Variants in MYH14 observed in about 807,000 individuals in gnomAD.
MYH14 encodes the protein myosin-14.
Under a neutral mutation model 255.5 loss-of-function variants are expected in MYH14, and 123 were observed. That is an observed-to-expected ratio of 0.48 (90% confidence interval 0.42 to 0.56). The LOEUF (loss-of-function observed/expected upper bound fraction) is 0.56. Ranked by LOEUF, MYH14 falls within the 20% of genes least tolerant of loss-of-function variation. The pLI is 0.00. For missense variants in MYH14, 2,423 were observed against 2,802.3 expected, an observed-to-expected ratio of 0.86 and a Z score of 3.06; for synonymous variants, 1,095 against 1,161.2, an observed-to-expected ratio of 0.94 and a Z score of 1.16.
chr19:50,210,725 G>A lies in MYH14; in HGVS notation c.360G>A (p.Ser120=), dbSNP rs2032146086. 6.3e-7 allele frequency: 1 copy of A among 1,579,900 alleles called. No homozygotes were observed. The highest frequency in any genetic ancestry group is 8.6e-7 in the Non-Finnish European group (1 of 1,163,714). Reference sequence around the variant, plus strand: ...AGCTGACCTGCCTCAACGAGGCCTCGGTCCTGCACAACCTCCGGGAGCGGT... The same window carrying A: ...AGCTGACCTGCCTCAACGAGGCCTCAGTCCTGCACAACCTCCGGGAGCGGT... The part of the protein sequence containing the change: ...MAELTCLNEA[S]VLHNLRERYY... The change falls in exon 2 of 43, where the codon TCG becomes TCA. Residue 120 remains serine, a synonymous_variant. Transcript: ENST00000642316.
chr19:50,280,001 C>A lies in MYH14; in HGVS notation c.4033-36C>A. 1 of 1,500,556 alleles carries A rather than the reference C, an allele frequency of 6.7e-7. No individual in the cohort carries two copies. The highest frequency in any genetic ancestry group is 9.2e-7 in the Non-Finnish European group (1 of 1,091,874). The allele number at this position is 1,500,556 out of a possible 1,614,324, so 93.0% of individuals were successfully genotyped here. On this transcript the variant is annotated intron_variant, in intron 30 of 42. Transcript: ENST00000642316. This position sits in a 1 kb window ranked among gnomAD's most constrained non-coding sequence, Gnocchi z 4.8. ...AGATGGGGTCACTGGGTGGAAGCCA[C>A]GATTGGAGGGCTTCATTCCCGTCCC...
At position 50,252,309 on chromosome 19, in the gene MYH14, G is replaced by A. The variant is rs751044364; in HGVS notation, c.1831-330G>A. On this transcript the variant is annotated intron_variant, in intron 15 of 42. Coordinates refer to ENST00000642316, the MANE Select transcript of MYH14 (RefSeq NM_001145809.2). This position sits in a 1 kb window ranked among gnomAD's most constrained non-coding sequence, Gnocchi z 4.2. ...CACAGAGACAGAACCCCAGGTGGCA[G>A]GAACCGCAGGGGTAAAACCCCGAGG... Among the ~76,000 whole-genome samples the A allele has an allele frequency of 6.6e-5, 10 of 152,220 alleles. No individual in the cohort carries two copies. Among genetic ancestry groups the A allele is most frequent in the Non-Finnish European group, 1.2e-4 (8 of 68,038 alleles).
chr19:50,205,141 G>A (rs895984954), intron 1 of MYH14, among the ~76,000 whole-genome samples: 7 of 152,146 alleles, frequency 4.6e-5, no homozygotes, highest in Non-Finnish European at 1.0e-4. Flanking sequence ...ACTGGGCTGG[G>A]GAACTTTCTG....
intron 2 of MYH14, among the ~76,000 whole-genome samples, chr19:50,211,752 T>A (rs1600857782): frequency 6.6e-6 from 1 of 150,606 alleles, no homozygotes; most frequent in African/African-American, 2.4e-5. Flanking sequence ...GAGGCTGAGG[T>A]GGGTGGATTG....
chr19:50,210,297 G>C, intron 1 of MYH14, 66 bp from the exon 2 acceptor site: 1 of 1,419,542 alleles, frequency 7.0e-7, no homozygotes, highest in Non-Finnish European at 9.4e-7. Context: ...GGAATTTGGG[G>C]TAGGGAAGGG....
chr19:50,258,093 A>C (rs2034659000), intron 18 of MYH14, among the ~76,000 whole-genome samples: 1 of 152,008 alleles, frequency 6.6e-6, no homozygotes, highest in African/African-American at 2.4e-5. Context: ...GGCCCTACAG[A>C]GAAGGGTCAA....
chr19:50,302,014 A>C, intron 40 of MYH14, 145 bp downstream of exon 40: 5 of 686,704 alleles, frequency 7.3e-6, no homozygotes, highest in Non-Finnish European at 1.2e-5. Context: ...ATGGTGGCTC[A>C]CGCCTGTAAT....
At chr19:50,233,796 T>TCCCCCTC (rs1329625150) in intron 10 of MYH14, among the ~76,000 whole-genome samples, 3 of 101,944 alleles carry the variant, frequency 2.9e-5, no homozygotes, top group Non-Finnish European at 5.9e-5. Flanking sequence ...TGTCCAAAAT[T>TCCCCCTC]CCCCCTCCCC....
Position 50,289,599 on chromosome 19 carries a change from A to G in MYH14, c.4916A>G (p.Gln1639Arg). Residue 1639 changes from glutamine to arginine, a missense_variant, in exon 35 of 43, where the codon CAG becomes CGG. By Grantham distance (43) the Gln-to-Arg change is conservative. This residue lies in a region of MYH14 where 1,513 missense variants were observed against 1,674.8 expected (regional missense o/e 0.90). Coordinates refer to ENST00000642316, the MANE Select transcript of MYH14 (RefSeq NM_001145809.2). ...AAGACTCAGCATGAGCGTGACCTGC[A>G]GGGCCGTGATGAGGCTGGTGAAGAG... Reference protein sequence around the residue: ...ALKTQHERDLQGRDEAGEERR... With the variant: ...ALKTQHERDLRGRDEAGEERR... 1 of 1,612,790 alleles carries G rather than the reference A, an allele frequency of 6.2e-7. No individual in the cohort carries two copies. Among genetic ancestry groups the G allele is most frequent in the Non-Finnish European group, 8.5e-7 (1 of 1,179,546 alleles).
chr19:50,226,935 C>T lies in MYH14; in HGVS notation c.843C>T (p.Ala281=), dbSNP rs763383189. ...TCATCCGCATCAACTTTGATGTTGC[C>T]GGGTACATCGTGGGCGCCAACATTG... ...GKFIRINFDV[A]GYIVGANIET... is the part of the protein sequence containing the mutation. Residue 281 remains alanine (A), a synonymous_variant, in exon 8 of 43, where the codon GCC becomes GCT. Transcript: ENST00000642316. The T allele has an allele frequency of 6.8e-6, 11 of 1,613,762 alleles. No individual in the cohort carries two copies. The East Asian group carries it at 8.9e-5, about 13-fold the overall frequency.
chr19:50,268,604 T>A (rs931613742), intron 24 of MYH14, among the ~76,000 whole-genome samples: 1 of 152,268 alleles, frequency 6.6e-6, no homozygotes, highest in African/African-American at 2.4e-5. Flanking sequence ...CAGGCCTGGC[T>A]GGATCCAGGT....
At chr19:50,289,280 G>A (rs562398068) in intron 34 of MYH14, among the ~76,000 whole-genome samples, 156 bp from the exon 35 acceptor site, 6 of 152,260 alleles carry the variant, frequency 3.9e-5, no homozygotes, top group South Asian at 4.1e-4. Flanking sequence ...GGAAGGAGCC[G>A]TTCAGCAGAT....
Position 50,302,038 on chromosome 19 carries a change from G to A in MYH14, c.5678+169G>A, listed in dbSNP as rs2036499761. The stretch of plus-strand genomic sequence containing the variant: ...CACGCCTGTAATCCCAGCACTTTGG[G>A]AGGCAGAAGCGGGAGGATCCCTTGA... On this transcript the variant is annotated intron_variant, in intron 40 of 42. Transcript: ENST00000642316. Among the ~76,000 whole-genome samples the A allele has an allele frequency of 5.3e-5, 8 of 151,440 alleles. No individual in the cohort carries two copies. The South Asian group carries it at 1.7e-3, about 32-fold the overall frequency.
intron 33 of MYH14, chr19:50,284,949 T>G (rs1601024193): frequency 6.9e-6 from 1 of 143,980 alleles, no homozygotes; most frequent in African/African-American, 2.6e-5. Flanking sequence ...CAGGCTGGAG[T>G]GCAGTGGCGT....
At chr19:50,256,044 G>A (rs528538189) in intron 17 of MYH14, among the ~76,000 whole-genome samples, 5 of 151,928 alleles carry the variant, frequency 3.3e-5, no homozygotes, top group Admixed American at 2.0e-4. Context: ...TTGGGAGGCC[G>A]AGGTGAGAGG....
intron 24 of MYH14, among the ~76,000 whole-genome samples, chr19:50,268,646 C>G (rs1041468130): frequency 1.3e-5 from 2 of 152,198 alleles, no homozygotes. Context: ...TCAGGCATGG[C>G]TGGATGCAGG....
In MYH14 at chr19:50,230,811, C is replaced by A. The variant is rs758998972; in HGVS notation, c.973+188C>A. On this transcript the variant is annotated intron_variant, in intron 9 of 42. Transcript: ENST00000642316. This position sits in a 1 kb window ranked among gnomAD's most constrained non-coding sequence, Gnocchi z 4.7. ...GTCTGTCGCACGGTGGGTTCTGCTG[C>A]GCTCTGGTTCCAGCTCTGTCCCGGG... The A allele has an allele frequency of 5.1e-6, 3 of 594,006 alleles. No homozygotes were observed. The East Asian group carries it at 8.5e-5, about 17-fold the overall frequency. 36.8% of individuals were successfully genotyped at this position (594,006 alleles called of 1,614,324 possible).
intron 27 of MYH14, among the ~76,000 whole-genome samples, chr19:50,275,269 TC>T (rs1349300922): frequency 4.6e-5 from 7 of 152,274 alleles, no homozygotes; most frequent in African/African-American, 1.7e-4. Context: ...ATCCAGCTTC[TC>T]TTTGCAATGA....
At chr19:50,304,385 T>C (rs572141598) in intron 40 of MYH14, among the ~76,000 whole-genome samples, 5 of 152,134 alleles carry the variant, frequency 3.3e-5, no homozygotes, top group Non-Finnish European at 7.3e-5. Flanking sequence ...AGATCAGGAA[T>C]TCAAGACCAA....
Sources: gnomAD v4.1 joint callset for allele counts (sites outside exome capture counted in the v4.1 genomes callset) on GRCh38, gnomAD v4.1.1 for gene constraint, gnomAD v4.1.1 regional missense constraint, Gnocchi (gnomAD v3.1) non-coding constraint, MANE v1.5 for transcripts, NCBI Gene and HGNC (gene_info 2026-07-23, HGNC 2026-07-21) for gene names.